FRMPD4: variants seen among roughly 807,000 people sequenced by gnomAD.
FRMPD4 encodes FERM and PDZ domain containing 4.
A neutral mutation model predicts 94.1 loss-of-function variants in FRMPD4; 22 were observed. That is an observed-to-expected ratio of 0.23 (90% CI 0.17 to 0.33). FRMPD4 has a LOEUF of 0.33. Ranked by LOEUF, FRMPD4 falls within the 10% of genes least tolerant of loss-of-function variation. The pLI is 1.00. For missense variants in FRMPD4, 1,111 were observed against 1,339.9 expected, an observed-to-expected ratio of 0.83 and a Z score of 2.67; for synonymous variants, 631 against 548.6, an observed-to-expected ratio of 1.15 and a Z score of -2.10.
intron 3 of FRMPD4, among the ~76,000 whole-genome samples, chrX:12,006,140 C>T (rs756075397): frequency 8.2e-4 from 92 of 112,083 alleles, no homozygotes; most frequent in Non-Finnish European, 4.1e-4. Context: ...TCAGCTTGAT[C>T]TTTCACATCT....
intron 4 of FRMPD4, among the ~76,000 whole-genome samples, chrX:12,657,868 C>A (rs1356630768): frequency 2.7e-5 from 3 of 112,474 alleles, no homozygotes; most frequent in East Asian, 5.5e-4. Context: ...GAAACAGAAG[C>A]CTTTTTTCTA....
intron 2 of FRMPD4, among the ~76,000 whole-genome samples, chrX:12,608,637 C>G (rs767725819): frequency 8.9e-6 from 1 of 112,483 alleles, no homozygotes; most frequent in Non-Finnish European, 1.9e-5. Flanking sequence ...TTCTAAATGT[C>G]TGAAACCCTC....
At chrX:12,223,806 ATGATGAGCATCTTTTCT>A (rs2056894852) in intron 1 of FRMPD4, among the ~76,000 whole-genome samples, 1 of 112,303 alleles carries the variant, frequency 8.9e-6, no homozygotes, top group African/African-American at 3.2e-5. Flanking sequence ...ATGACTAACG[ATGATGAGCATCTTTTCT>A]TGTGCTTACT....
At chrX:12,024,174 C>G (rs181344617) in intron 3 of FRMPD4, among the ~76,000 whole-genome samples, 1 of 111,766 alleles carries the variant, frequency 8.9e-6, no homozygotes. Flanking sequence ...TTTTAGTTCT[C>G]ACCATGAAGG....
rs1246102950 is a variant in FRMPD4, at chrX:12,718,176, G to C, written c.3350G>C (p.Arg1117Thr). The C allele has an allele frequency of 8.3e-7, 1 of 1,210,173 alleles. No individual in the cohort carries two copies. Among genetic ancestry groups the C allele is most frequent in the East Asian group, 3.0e-5 (1 of 33,775 alleles). Residue 1117 changes from arginine (R) to threonine (T), a missense_variant, in exon 16 of 17, where the codon AGA becomes ACA. Physicochemically the swap from Arg to Thr is moderately conservative, Grantham distance 71. This residue lies in a region of FRMPD4 where 551 missense variants were observed against 591.6 expected (regional missense o/e 0.93). Coordinates refer to ENST00000675598, the MANE Select transcript of FRMPD4 (RefSeq NM_001368397.1). ...GCAGCAACAGGGAAAACCTTTCCAA[G>C]AGCTTCTGGTCTTGGGGCAAGGGAG... ...LEAATGKTFP[R>T]ASGLGAREAE... is the part of the protein sequence containing the mutation.
At chrX:12,481,942 CAAAAAAAAAAAAAA>C (rs56366427) in intron 1 of FRMPD4, among the ~76,000 whole-genome samples, 2 of 11,580 alleles carry the variant, frequency 1.7e-4, no homozygotes, top group Non-Finnish European at 3.1e-4. Flanking sequence ...GACTACATCT[CAAAAAAAAAAAAAA>C]AAAAAAAAAA....
At chrX:12,127,346 G>A (rs759573173) in intron 3 of FRMPD4, among the ~76,000 whole-genome samples, 1 of 111,740 alleles carries the variant, frequency 8.9e-6, no homozygotes, top group South Asian at 3.8e-4. Context: ...CATGGCAGAA[G>A]GGGGAAGCAA....
At chrX:11,926,253 C>T (rs1394306835) in intron 3 of FRMPD4, among the ~76,000 whole-genome samples, 1 of 71,230 alleles carries the variant, frequency 1.4e-5, no homozygotes, top group Admixed American at 1.7e-4. Flanking sequence ...AAAAAGCTTA[C>T]CAACCAAAAA....
At chrX:12,150,382 C>G (rs1376630302) in intron 1 of FRMPD4, among the ~76,000 whole-genome samples, 2 of 111,897 alleles carry the variant, frequency 1.8e-5, no homozygotes, top group Non-Finnish European at 3.8e-5. Flanking sequence ...GTGAACTGTT[C>G]CCTACCTCTA....
chrX:12,071,304 C>T (rs761123480), intron 3 of FRMPD4, among the ~76,000 whole-genome samples: 1 of 110,782 alleles, frequency 9.0e-6, no homozygotes, highest in African/African-American at 3.3e-5. Context: ...TGCCTATAAC[C>T]CCTTTTTAAA....
At position 11,992,616 on chromosome X, in the gene FRMPD4, G is replaced by A. The variant is rs17255698; in HGVS notation, c.95+114598G>A. On this transcript the variant is annotated intron_variant, in intron 3 of 18. Coordinates refer to the FRMPD4 transcript ENST00000640291. ...ATCAATCTTTAAAAAAAATAAGTCAGATAGAGCTTTCATTCAAAAATTGTA... is the reference window on the plus strand; with the variant it reads ...ATCAATCTTTAAAAAAAATAAGTCAAATAGAGCTTTCATTCAAAAATTGTA... Among the ~76,000 whole-genome samples the A allele has an allele frequency of 7.9e-3, 888 of 111,786 alleles. 10 individuals are homozygous for A. Among genetic ancestry groups the A allele is most frequent in the Non-Finnish European group, 0.012 (619 of 53,062 alleles).
chrX:12,290,990 T>G (rs985937608), intron 1 of FRMPD4, among the ~76,000 whole-genome samples: 1 of 91,654 alleles, frequency 1.1e-5, no homozygotes, highest in Non-Finnish European at 2.2e-5. Flanking sequence ...TTCCCTCCCC[T>G]TCATCTTGTG....
chrX:12,253,629 T>C (rs2054073436), intron 1 of FRMPD4, among the ~76,000 whole-genome samples: 1 of 112,059 alleles, frequency 8.9e-6, no homozygotes. Flanking sequence ...TCCAAGTGTA[T>C]TTTTAGTTAA....
At chrX:12,078,406 G>A (rs2055037415) in intron 3 of FRMPD4, among the ~76,000 whole-genome samples, 1 of 111,851 alleles carries the variant, frequency 8.9e-6, no homozygotes, top group Non-Finnish European at 1.9e-5. Flanking sequence ...GTCACCTTGG[G>A]GTATGAAGAA....
intron 1 of FRMPD4, among the ~76,000 whole-genome samples, chrX:12,347,430 C>T (rs143818400): frequency 0.014 from 1,503 of 109,920 alleles, 15 homozygotes; most frequent in Non-Finnish European, 0.021. Flanking sequence ...GTGACAAGGT[C>T]TCATTCTGTT....
At chrX:12,333,240 G>A (rs1454903111) in intron 1 of FRMPD4, among the ~76,000 whole-genome samples, 1 of 111,658 alleles carries the variant, frequency 9.0e-6, no homozygotes. Context: ...TTATGGACAG[G>A]CAATTATGTG....
At chrX:11,951,904 C>T (rs2147365825) in intron 3 of FRMPD4, among the ~76,000 whole-genome samples, 1 of 111,729 alleles carries the variant, frequency 9.0e-6, no homozygotes, top group Non-Finnish European at 1.9e-5. Context: ...GGTGTGGTGG[C>T]ACACACCTGT....
Position 12,719,357 on chromosome X carries a change from G to A in FRMPD4, c.3964+567G>A, listed in dbSNP as rs147100018. 2.9e-3 allele frequency among the ~76,000 whole-genome samples: 322 copies of A among 112,094 alleles called. 1 individual carries two copies. The highest frequency in any genetic ancestry group is 9.4e-3 in the African/African-American group (289 of 30,845). On this transcript the variant is annotated intron_variant, in intron 16 of 16. Coordinates refer to ENST00000675598, the MANE Select transcript of FRMPD4 (RefSeq NM_001368397.1). ...GGAAGATTTTGAGGCTATTCCTGAT[G>A]AGCTGCTTTATTTTCCCCAAAATAA...
chrX:11,836,788 C>A (rs887412931), intron 1 of FRMPD4, among the ~76,000 whole-genome samples: 4 of 111,511 alleles, frequency 3.6e-5, no homozygotes, highest in Non-Finnish European at 7.5e-5. Context: ...CAAATGTATG[C>A]TTTTTCTTCT....
Sources: gnomAD v4.1 joint callset for allele counts (sites outside exome capture counted in the v4.1 genomes callset) on GRCh38, gnomAD v4.1.1 for gene constraint, gnomAD v4.1.1 regional missense constraint, MANE v1.5 for transcripts, NCBI Gene and HGNC (gene_info 2026-07-23, HGNC 2026-07-21) for gene names.